Variants in KAT7 observed in about 807,000 individuals in gnomAD.
KAT7 encodes lysine acetyltransferase 7.
KAT7 carries 10 observed loss-of-function variants against 82.1 expected under a neutral mutation model. The observed-to-expected ratio is 0.12, with a 90% CI of 0.08 to 0.21. The LOEUF (loss-of-function observed/expected upper bound fraction) is 0.21. Among genes scored for constraint, KAT7 ranks in the 10% least tolerant of loss-of-function variants. KAT7 has a pLI of 1.00. For synonymous variants in KAT7, 250 were observed against 262.5 expected, an observed-to-expected ratio of 0.95 and a Z score of 0.46; for missense variants, 378 against 760.9, an observed-to-expected ratio of 0.50 and a Z score of 5.92.
At chr17:49,805,789 CTTAATA>C (rs997404912) in intron 5 of KAT7, among the ~76,000 whole-genome samples, 3 of 152,150 alleles carry the variant, frequency 2.0e-5, no homozygotes, top group Non-Finnish European at 2.9e-5. Flanking sequence ...AATATGTGAT[CTTAATA>C]TTTATGCATT....
intron 9 of KAT7, among the ~76,000 whole-genome samples, chr17:49,818,742 GT>G (rs57232662): frequency 0.87 from 123,615 of 142,162 alleles, 53,703 homozygotes; most frequent in South Asian, 0.93. Context: ...ACTTTTTCTT[GT>G]TTTTTTTTTT....
intron 4 of KAT7, among the ~76,000 whole-genome samples, chr17:49,799,690 G>T (rs1374512034): frequency 6.6e-6 from 1 of 152,034 alleles, no homozygotes; most frequent in African/African-American, 2.4e-5. Context: ...AGAGACAGGG[G>T]TCTCACTTTA....
intron 7 of KAT7, among the ~76,000 whole-genome samples, chr17:49,812,391 A>G (rs1253632707): frequency 6.6e-6 from 1 of 151,822 alleles, no homozygotes; most frequent in Admixed American, 6.6e-5. Flanking sequence ...CGCCCAGCTA[A>G]TTTGTGTATT....
rs988310519 is a variant in KAT7, at chr17:49,828,586, G to C, written c.*1084G>C. On this transcript the variant is annotated 3_prime_UTR_variant, in exon 15 of 15. Transcript: ENST00000259021. The stretch of plus-strand genomic sequence containing the variant: ...TCAACAGTGCCTCACCCTCCCTCTA[G>C]GATTAAAGTGCTTCTGCCCTTCCAC... 23 of 152,536 alleles carry C rather than the reference G, an allele frequency of 1.5e-4. No individual in the cohort carries two copies. Among genetic ancestry groups the C allele is most frequent in the African/African-American group, 5.6e-4 (23 of 41,390 alleles). The allele number at this position is 152,536 out of a possible 1,614,324, so 9.4% of individuals were successfully genotyped here.
intron 5 of KAT7, among the ~76,000 whole-genome samples, chr17:49,805,710 G>T (rs1374322485): frequency 1.3e-5 from 2 of 152,172 alleles, no homozygotes; most frequent in African/African-American, 4.8e-5. Context: ...CTAGTGCATT[G>T]ATATTTTCTG....
intron 5 of KAT7, among the ~76,000 whole-genome samples, chr17:49,808,891 C>T (rs2074126888): frequency 6.6e-6 from 1 of 152,120 alleles, no homozygotes; most frequent in African/African-American, 2.4e-5. Context: ...CTTAGTGATC[C>T]CATCATTTAG....
chr17:49,810,821 AT>A (rs980073306), intron 6 of KAT7, among the ~76,000 whole-genome samples: 3 of 152,060 alleles, frequency 2.0e-5, no homozygotes, highest in African/African-American at 7.2e-5. Context: ...CTGATTTGGA[AT>A]TTTTAAATTG....
chr17:49,788,829 C>A lies in KAT7; in HGVS notation c.-6C>A, dbSNP rs1215481410. The A allele has an allele frequency of 1.3e-6, 2 of 1,585,124 alleles. No individual in the cohort carries two copies. The highest frequency in any genetic ancestry group is 8.6e-7 in the Non-Finnish European group (1 of 1,164,962). On this transcript the variant is annotated 5_prime_UTR_variant, in exon 1 of 15. Transcript: ENST00000259021. ...AATCGGAACCGTCGGGCCGCAGCCG[C>A]CGGCAATGCCGCGAAGGAAGGTGAG... is the stretch of plus-strand genomic sequence containing the variant.
At chr17:49,821,591 G>A (rs1262657036) in intron 10 of KAT7, 59 bp from the exon 11 acceptor site, 6 of 1,588,112 alleles carry the variant, frequency 3.8e-6, no homozygotes, top group East Asian at 2.2e-5. Flanking sequence ...GTGAATTTTA[G>A]GCCTTTATCT....
At chr17:49,813,535 T>G (rs1205935628) in intron 7 of KAT7, among the ~76,000 whole-genome samples, 2 of 152,242 alleles carry the variant, frequency 1.3e-5, no homozygotes, top group African/African-American at 4.8e-5. Flanking sequence ...TAGTTGACCC[T>G]TCGTATCCAT....
chr17:49,827,321 G>C, intron 14 of KAT7, 80 bp from the exon 15 acceptor site: 1 of 825,960 alleles, frequency 1.2e-6, no homozygotes, highest in South Asian at 1.4e-5. Flanking sequence ...ATTCCTTCTT[G>C]GCGGTTAGTT....
At chr17:49,809,382 C>A (rs760409785) in intron 6 of KAT7, among the ~76,000 whole-genome samples, 174 bp downstream of exon 6, 1 of 152,182 alleles carries the variant, frequency 6.6e-6, no homozygotes, top group Non-Finnish European at 1.5e-5. Flanking sequence ...ACAAACACTT[C>A]TACCTCATGA....
intron 7 of KAT7, chr17:49,815,484 T>TA (rs1382726173): frequency 5.1e-6 from 1 of 196,862 alleles, no homozygotes; most frequent in Non-Finnish European, 1.0e-5. Context: ...ACTTTATTTA[T>TA]TTGTACTGTC....
chr17:49,834,568 C>T lies in KAT7; in HGVS notation c.*7066C>T, dbSNP rs1252312708. 2 of 152,246 alleles carry T rather than the reference C, an allele frequency of 1.3e-5. No homozygotes were observed. The highest frequency in any genetic ancestry group is 2.9e-5 in the Non-Finnish European group (2 of 68,052). 9.4% of individuals were successfully genotyped at this position (152,246 alleles called of 1,614,324 possible). ...CAAGTCTTTCCGTAAGCTGACTCAA[C>T]CTACATAGCTTTCATCATTCCCTTA... On this transcript the variant is annotated 3_prime_UTR_variant, in exon 15 of 15. Coordinates refer to ENST00000259021, the MANE Select transcript of KAT7 (RefSeq NM_007067.5).
At position 49,791,972 on chromosome 17, in the gene KAT7, C is replaced by A; in HGVS notation, c.102C>A (p.Gly34=). 1 of 1,614,140 alleles carries A rather than the reference C, an allele frequency of 6.2e-7. No homozygotes were observed. Among genetic ancestry groups the A allele is most frequent in the Non-Finnish European group, 8.5e-7 (1 of 1,180,000 alleles). Residue 34 remains glycine, a synonymous_variant, in exon 2 of 15, where the codon GGC becomes GGA. Coordinates refer to ENST00000259021, the MANE Select transcript of KAT7 (RefSeq NM_007067.5). ...ACACAGACAGTTCAGAAAGTGATGG[C>A]ACATCCCGACGATCTGCTCGAGTCA... ...LEHTDSSESD[G]TSRRSARVTR...
At chr17:49,812,434 A>C (rs2074179366) in intron 7 of KAT7, among the ~76,000 whole-genome samples, 1 of 152,088 alleles carries the variant, frequency 6.6e-6, no homozygotes, top group Non-Finnish European at 1.5e-5. Context: ...CATGTTGGCC[A>C]GGCTGGTCTC....
rs2074423279 is a variant in KAT7, at chr17:49,831,305, A to G, written c.*3803A>G. On this transcript the variant is annotated 3_prime_UTR_variant, in exon 15 of 15. Coordinates refer to ENST00000259021, the MANE Select transcript of KAT7 (RefSeq NM_007067.5). ...ACAAAAAACAGAATTGATTGATGTT[A>G]GTTGGCTTTAGAAGCAGCAAGTTTA... 6.6e-6 allele frequency: 1 copy of G among 152,208 alleles called. No homozygotes were observed. Among genetic ancestry groups the G allele is most frequent in the African/African-American group, 2.4e-5 (1 of 41,438 alleles). 9.4% of individuals were successfully genotyped at this position (152,208 alleles called of 1,614,324 possible). A position where few individuals can be genotyped will look rare whatever the true frequency, so the allele number is the denominator to read the frequency against.
In KAT7 at chr17:49,811,494, CT is replaced by C; in HGVS notation, c.774del (p.Arg259AspfsTer17). ...CTTTTAGGCACCAACGGAGAGACAG[CT>C]TCGATATAAGGAAAAAGTGGCTGAA... ...TRHQAPTERQ[L>X]RYKEKVAELR... On this transcript the variant is annotated frameshift_variant, in exon 7 of 15. Coordinates refer to ENST00000259021, the MANE Select transcript of KAT7 (RefSeq NM_007067.5). LOFTEE classifies it high-confidence loss of function. 6.5e-7 allele frequency: 1 copy of C among 1,534,510 alleles called. No individual in the cohort carries two copies. The highest frequency in any genetic ancestry group is 8.8e-7 in the Non-Finnish European group (1 of 1,135,014).
At chr17:49,808,497 C>A (rs2074120356) in intron 5 of KAT7, among the ~76,000 whole-genome samples, 1 of 150,532 alleles carries the variant, frequency 6.6e-6, no homozygotes, top group Non-Finnish European at 1.5e-5. Context: ...GTTGTCCAGG[C>A]TGGAGTGCAG....
Sources: gnomAD v4.1 joint callset for allele counts (sites outside exome capture counted in the v4.1 genomes callset) on GRCh38, gnomAD v4.1.1 for gene constraint, MANE v1.5 for transcripts, NCBI Gene and HGNC (gene_info 2026-07-23, HGNC 2026-07-21) for gene names.